SLMAP: variants seen among roughly 807,000 people sequenced by gnomAD.
SLMAP encodes the protein sarcolemma associated protein.
A neutral mutation model predicts 128.8 loss-of-function variants in SLMAP; 44 were observed. The ratio of observed to expected loss-of-function variants is 0.34; its 90% CI spans 0.27 to 0.44. SLMAP has a LOEUF of 0.44. SLMAP is among the 20% of genes least tolerant of loss of function. The probability of loss-of-function intolerance (pLI) is 1.00; values close to 1 mark genes in which losing one functional copy is unlikely to be tolerated. For synonymous variants in SLMAP, 327 were observed against 348.8 expected (o/e 0.94, Z 0.70); for missense variants, 787 against 985.3 (o/e 0.80, Z 2.69).
intron 18 of SLMAP, among the ~76,000 whole-genome samples, chr3:57,908,228 G>A (rs1194390189): frequency 3.3e-5 from 5 of 152,190 alleles, no homozygotes; most frequent in Admixed American, 6.5e-5. Context: ...TGAAAATCAA[G>A]TAAGATCTTT....
chr3:57,837,530 G>A (rs954904912), intron 3 of SLMAP, among the ~76,000 whole-genome samples: 1 of 151,948 alleles, frequency 6.6e-6, no homozygotes, highest in Admixed American at 6.6e-5. Flanking sequence ...CACCACGTCC[G>A]GCTAATTTTT....
chr3:57,831,560 T>G (rs1290725614), intron 3 of SLMAP, 30 bp downstream of exon 3: 1 of 1,411,278 alleles, frequency 7.1e-7, no homozygotes, highest in African/African-American at 1.5e-5. Context: ...TTTTTATTAC[T>G]TGTCTTTTAA....
intron 23 of SLMAP, 123 bp from the exon 24 acceptor site, chr3:57,925,722 C>G (rs1182853983): frequency 1.5e-6 from 1 of 671,194 alleles, no homozygotes; most frequent in Non-Finnish European, 2.6e-6. Flanking sequence ...TGTGTAAAAC[C>G]TGAGTGGTAT....
intron 2 of SLMAP, among the ~76,000 whole-genome samples, chr3:57,781,777 G>C (rs968112401): frequency 3.2e-5 from 4 of 124,988 alleles, no homozygotes; most frequent in Non-Finnish European, 4.7e-5. Context: ...CTGTTGTCCA[G>C]GCTGGAGTGC....
chr3:57,786,091 A>G (rs1361489704), intron 2 of SLMAP, among the ~76,000 whole-genome samples: 1 of 152,252 alleles, frequency 6.6e-6, no homozygotes, highest in Non-Finnish European at 1.5e-5. Context: ...GTAGCAGTGT[A>G]TACCTGGTGT....
intron 13 of SLMAP, among the ~76,000 whole-genome samples, chr3:57,869,659 T>TATATATATATATATATATATATAA (rs1213782539): frequency 1.2e-4 from 14 of 115,442 alleles, no homozygotes; most frequent in African/African-American, 4.2e-4. Flanking sequence ...TATATATATA[T>TATATATATATATATATATATATAA]AATATATATA....
chr3:57,826,121 G>A (rs77255643), intron 2 of SLMAP, among the ~76,000 whole-genome samples: 4,534 of 152,090 alleles, frequency 0.03, 103 homozygotes, highest in South Asian at 0.042. Context: ...AATCACTCTT[G>A]TGAGCCTTCT....
chr3:57,820,514 C>T (rs1266562560), intron 2 of SLMAP, among the ~76,000 whole-genome samples: 3 of 152,100 alleles, frequency 2.0e-5, no homozygotes, highest in Admixed American at 6.5e-5. Flanking sequence ...GGCTTTCAGC[C>T]CCCGCCCCCA....
rs1468659802 is a variant in SLMAP, at chr3:57,912,061, CAGA to C, written c.1700-317_1700-315del. ...TTTTTTGTTGAAAGAGTTTCATCAA[CAGA>C]AGGATAGGGAACACTGCATTTATTG... On this transcript the variant is annotated intron_variant, in intron 19 of 24. Transcript: ENST00000671191. Among the ~76,000 whole-genome samples, 16 of 150,702 alleles carry C rather than the reference CAGA, an allele frequency of 1.1e-4. No homozygotes were observed. In the East Asian group the frequency reaches 3.1e-3, roughly 30 times the overall value.
chr3:57,805,803 A>G (rs566653913), intron 2 of SLMAP, among the ~76,000 whole-genome samples: 13 of 152,248 alleles, frequency 8.5e-5, no homozygotes, highest in African/African-American at 2.9e-4. Flanking sequence ...CTCATACATC[A>G]CATACTAGTC....
intron 3 of SLMAP, among the ~76,000 whole-genome samples, chr3:57,836,068 T>A (rs1272132210): frequency 6.6e-6 from 1 of 152,200 alleles, no homozygotes; most frequent in East Asian, 1.9e-4. Context: ...ATTGCAGGGA[T>A]TTCTATAAGA....
At chr3:57,799,434 A>T (rs1044699740) in intron 2 of SLMAP, among the ~76,000 whole-genome samples, 10 of 152,156 alleles carry the variant, frequency 6.6e-5, no homozygotes, top group African/African-American at 2.4e-4. Flanking sequence ...CAGAGATGTA[A>T]CTCAGTGCCT....
chr3:57,884,682 A>T (rs2095834525), intron 14 of SLMAP, among the ~76,000 whole-genome samples: 1 of 152,052 alleles, frequency 6.6e-6, no homozygotes, highest in Non-Finnish European at 1.5e-5. Context: ...GGTGGTGTGT[A>T]CCTGTAGTTC....
intron 2 of SLMAP, among the ~76,000 whole-genome samples, chr3:57,787,635 C>T (rs943178099): frequency 6.6e-6 from 1 of 152,118 alleles, no homozygotes; most frequent in Non-Finnish European, 1.5e-5. Flanking sequence ...GCCACGATAC[C>T]CAGCTAATTT....
chr3:57,832,569 T>C (rs2093404504), intron 3 of SLMAP, among the ~76,000 whole-genome samples: 1 of 152,204 alleles, frequency 6.6e-6, no homozygotes, highest in Non-Finnish European at 1.5e-5. Flanking sequence ...TAGTTTAATA[T>C]GGATAGTGCA....
chr3:57,885,018 A>G (rs545674775), intron 14 of SLMAP, among the ~76,000 whole-genome samples: 2 of 152,094 alleles, frequency 1.3e-5, no homozygotes, highest in South Asian at 4.1e-4. Context: ...ACAAAAAAAC[A>G]CACACAGAAA....
Position 57,864,734 on chromosome 3 carries a change from A to T in SLMAP, c.1135+18A>T. ...TTTACAAGGTAAGTAGCTAATCCAG[A>T]AATTGATTTTATTTTATTTTTTTTC... On this transcript the variant is annotated intron_variant, in intron 11 of 24. Coordinates refer to ENST00000671191, the MANE Select transcript of SLMAP (RefSeq NM_001377540.1). The T allele has an allele frequency of 6.3e-7, 1 of 1,578,328 alleles. No homozygotes were observed. The highest frequency in any genetic ancestry group is 8.6e-7 in the Non-Finnish European group (1 of 1,167,628).
At position 57,917,035 on chromosome 3, in the gene SLMAP, T is replaced by A; in HGVS notation, c.2268T>A (p.Leu756=). The part of the protein sequence containing the change: ...HLRDSADLKT[L]LSKAENQAKD... ...GGGATTCAGCTGATTTAAAAACTCTTCTCAGTAAGGCAGAAAACCAAGCAA... is the reference window on the plus strand; with the variant it reads ...GGGATTCAGCTGATTTAAAAACTCTACTCAGTAAGGCAGAAAACCAAGCAA... Residue 756 remains leucine, a synonymous_variant, in exon 22 of 25, where the codon CTT becomes CTA. Coordinates refer to ENST00000671191, the MANE Select transcript of SLMAP (RefSeq NM_001377540.1). 1 of 1,613,902 alleles carries A rather than the reference T, an allele frequency of 6.2e-7. No individual in the cohort carries two copies. Among genetic ancestry groups the A allele is most frequent in the Non-Finnish European group, 8.5e-7 (1 of 1,179,924 alleles).
intron 2 of SLMAP, among the ~76,000 whole-genome samples, chr3:57,822,115 A>G (rs1041755810): frequency 6.6e-6 from 1 of 152,156 alleles, no homozygotes; most frequent in Non-Finnish European, 1.5e-5. Context: ...ATGGATGTGC[A>G]GTCTCTCCAA....
Sources: allele counts gnomAD v4.1 joint callset (sites outside exome capture counted in the v4.1 genomes callset), GRCh38; gene constraint gnomAD v4.1.1; transcripts MANE v1.5; gene names NCBI Gene and HGNC (gene_info 2026-07-23, HGNC 2026-07-21).